Variants in NFILZ observed in about 807,000 individuals in gnomAD.
NFILZ encodes the protein NFIL3 like protein.
chr19:8,643,940 C>T (rs1264872193), intron 3 of NFILZ, among the ~76,000 whole-genome samples: 1 of 152,132 alleles, frequency 6.6e-6, no homozygotes, highest in Non-Finnish European at 1.5e-5. Context: ...ATTCACAGGA[C>T]ATTTCCATTT....
At chr19:8,633,971 C>T (rs1359196021) in intron 2 of NFILZ, among the ~76,000 whole-genome samples, 2 of 136,486 alleles carry the variant, frequency 1.5e-5, no homozygotes, top group Admixed American at 8.4e-5. Context: ...TTCTCTCTCT[C>T]TCTTTTTTGC....
chr19:8,652,818 TCTC>T (rs1186424706), intron 3 of NFILZ, among the ~76,000 whole-genome samples: 2 of 151,258 alleles, frequency 1.3e-5, no homozygotes, highest in Non-Finnish European at 3.0e-5. Flanking sequence ...CTTCTCTCTC[TCTC>T]TTCTTTCTCA....
At chr19:8,670,262 T>C (rs543460031) in intron 3 of NFILZ, among the ~76,000 whole-genome samples, 71 of 152,100 alleles carry the variant, frequency 4.7e-4, no homozygotes, top group African/African-American at 1.7e-3. Flanking sequence ...CCACCACACA[T>C]GGCTAATTTT....
intron 3 of NFILZ, among the ~76,000 whole-genome samples, chr19:8,653,008 C>CT (rs1314736647): frequency 0.022 from 550 of 25,422 alleles, 2 homozygotes; most frequent in African/African-American, 0.026. Context: ...TCCTTCCTTC[C>CT]TTCCTTTCTT....
intron 3 of NFILZ, among the ~76,000 whole-genome samples, chr19:8,651,974 C>T (rs1467686104): frequency 6.6e-6 from 1 of 152,126 alleles, no homozygotes; most frequent in Non-Finnish European, 1.5e-5. Context: ...GTCTCTAAAC[C>T]TCATGATAGT....
chr19:8,647,252 C>A (rs1555747151), intron 3 of NFILZ, among the ~76,000 whole-genome samples: 1 of 152,148 alleles, frequency 6.6e-6, no homozygotes, highest in Non-Finnish European at 1.5e-5. Context: ...TACATACACA[C>A]CGTGGAATAC....
In NFILZ at chr19:8,632,603, C is replaced by T. The variant is rs1463369181; in HGVS notation, c.-283C>T. ...TGCCATGGCAACATCAGGAAGTTAC[C>T]CTCTATGCTCTAAAAACGGGAGGTA... On this transcript the variant is annotated 5_prime_UTR_variant, in exon 2 of 6. Coordinates refer to ENST00000691075, the MANE Select transcript of NFILZ (RefSeq NM_001378600.1). 1 of 152,148 alleles carries T rather than the reference C, an allele frequency of 6.6e-6. No individual in the cohort carries two copies. The highest frequency in any genetic ancestry group is 2.4e-5 in the African/African-American group (1 of 41,418). 9.4% of individuals were successfully genotyped at this position (152,148 alleles called of 1,614,324 possible).
In NFILZ at chr19:8,678,154, C is replaced by CATCCATCCATCCATCCACCT; in HGVS notation, c.*536_*537insCCTATCCATCCATCCATCCA. On this transcript the variant is annotated 3_prime_UTR_variant, in exon 6 of 6. Transcript: ENST00000691075. Reference sequence around the variant, plus strand: ...CCATCCATTCATCCACTTGTCCGTCCATCCATCCATCCATCCATCCATCCA... The same window carrying CATCCATCCATCCATCCACCT: ...CCATCCATTCATCCACTTGTCCGTCCATCCATCCATCCATCCACCTATCCATCCATCCATCCATCCATCCA... Among the ~76,000 whole-genome samples the CATCCATCCATCCATCCACCT allele has an allele frequency of 9.6e-6, 1 of 104,140 alleles. No homozygotes were observed. Among genetic ancestry groups the CATCCATCCATCCATCCACCT allele is most frequent in the Non-Finnish European group, 1.8e-5 (1 of 54,350 alleles). The allele number at this position is 104,140 out of a possible 152,430, so 68.3% of individuals were successfully genotyped here.
chr19:8,636,771 T>C (rs2042896712), intron 3 of NFILZ, among the ~76,000 whole-genome samples: 1 of 152,048 alleles, frequency 6.6e-6, no homozygotes, highest in African/African-American at 2.4e-5. Context: ...TTTGTATTTT[T>C]AATAGAGGTG....
chr19:8,661,351 AT>A (rs1224706497), intron 3 of NFILZ, among the ~76,000 whole-genome samples: 3 of 151,396 alleles, frequency 2.0e-5, no homozygotes, highest in Non-Finnish European at 4.4e-5. Context: ...TTTTGTAGAG[AT>A]GGGTTTCGCC....
At chr19:8,667,430 G>T (rs782399756) in intron 3 of NFILZ, among the ~76,000 whole-genome samples, 13 of 152,156 alleles carry the variant, frequency 8.5e-5, no homozygotes, top group Non-Finnish European at 1.9e-4. Flanking sequence ...GATATCTGGG[G>T]GGGATTGGTT....
chr19:8,669,099 A>G (rs1174449876), intron 3 of NFILZ, among the ~76,000 whole-genome samples: 2 of 152,032 alleles, frequency 1.3e-5, no homozygotes. Flanking sequence ...GTGCACTACC[A>G]TGCCCGGCTA....
chr19:8,645,330 G>C (rs1208799962), intron 3 of NFILZ, among the ~76,000 whole-genome samples: 3 of 149,766 alleles, frequency 2.0e-5, no homozygotes, highest in Non-Finnish European at 4.4e-5. Flanking sequence ...AAGATATGGG[G>C]GTCTAGCCAT....
intron 1 of NFILZ, among the ~76,000 whole-genome samples, 181 bp from the exon 2 acceptor site, chr19:8,632,295 C>T (rs539522760): frequency 6.6e-6 from 1 of 150,870 alleles, no homozygotes; most frequent in Non-Finnish European, 1.5e-5. Flanking sequence ...ATTTTTACCG[C>T]TGTTGTGTCA....
At chr19:8,667,330 T>A (rs1380544200) in intron 3 of NFILZ, among the ~76,000 whole-genome samples, 2 of 152,160 alleles carry the variant, frequency 1.3e-5, no homozygotes, top group Non-Finnish European at 2.9e-5. Context: ...CATATGACCT[T>A]GATAAATTCT....
chr19:8,663,001 G>T (rs973864840), intron 3 of NFILZ, among the ~76,000 whole-genome samples: 4 of 150,142 alleles, frequency 2.7e-5, no homozygotes, highest in Non-Finnish European at 4.4e-5. Flanking sequence ...GGGCTGGTGT[G>T]CAGTGGTGAG....
At chr19:8,662,666 CTT>C (rs1309350124) in intron 3 of NFILZ, among the ~76,000 whole-genome samples, 1 of 146,072 alleles carries the variant, frequency 6.8e-6, no homozygotes, top group Non-Finnish European at 1.5e-5. Flanking sequence ...GAGATGGAGT[CTT>C]TCTCTGTTGC....
At chr19:8,669,594 C>T (rs1257084853) in intron 3 of NFILZ, among the ~76,000 whole-genome samples, 1 of 152,188 alleles carries the variant, frequency 6.6e-6, no homozygotes, top group African/African-American at 2.4e-5. Context: ...CCAACCTCTA[C>T]CCTTCAGAGG....
At position 8,652,446 on chromosome 19, in the gene NFILZ, G is replaced by A. The variant is rs1467336784; in HGVS notation, c.-164+16700G>A. Among the ~76,000 whole-genome samples, 3 of 152,130 alleles carry A rather than the reference G, an allele frequency of 2.0e-5. 1 individual carries two copies. Among genetic ancestry groups the A allele is most frequent in the Non-Finnish European group, 4.4e-5 (3 of 68,032 alleles). ...TGAAACCAGCGGAGCATTGCAAACC[G>A]TTAGGTGTAGATGTTTGCAAGTGTA... On this transcript the variant is annotated intron_variant, in intron 3 of 5. Transcript: ENST00000691075.
Sources: allele counts gnomAD v4.1 joint callset (sites outside exome capture counted in the v4.1 genomes callset), GRCh38; gene constraint gnomAD v4.1.1; transcripts MANE v1.5; gene names NCBI Gene and HGNC (gene_info 2026-07-23, HGNC 2026-07-21).